GID4: variants seen among roughly 807,000 people sequenced by gnomAD.
GID4 encodes glucose-induced degradation protein 4 homolog.
GID4 carries 7 observed loss-of-function variants against 32.4 expected under a neutral mutation model. That is an observed-to-expected ratio of 0.22 (90% confidence interval 0.12 to 0.41). GID4 has a LOEUF of 0.41. GID4 is among the 10% of genes least tolerant of loss of function. The pLI, the probability that GID4 is intolerant of heterozygous loss-of-function variation, is 1.00. For missense variants in GID4, 309 were observed against 400.0 expected, an observed-to-expected ratio of 0.77 and a Z score of 1.94; for synonymous variants, 166 against 170.0, an observed-to-expected ratio of 0.98 and a Z score of 0.18.
intron 4 of GID4, among the ~76,000 whole-genome samples, chr17:18,059,666 C>G (rs2142151105): frequency 6.6e-6 from 1 of 152,308 alleles, no homozygotes; most frequent in East Asian, 1.9e-4. Flanking sequence ...TGAGAACATA[C>G]CAACCCCTAG....
chr17:18,068,035 A>G lies in GID4; in HGVS notation c.*2792A>G, dbSNP rs1264929510. On this transcript the variant is annotated 3_prime_UTR_variant, in exon 6 of 6. Transcript: ENST00000268719. ...TGGTTATGTGGAAATCACAAACTCCAGAGGAGCAAAGGGGTTTTTCAATGT... is the reference window on the plus strand; with the variant it reads ...TGGTTATGTGGAAATCACAAACTCCGGAGGAGCAAAGGGGTTTTTCAATGT... 6.5e-6 allele frequency: 1 copy of G among 152,678 alleles called. No individual in the cohort carries two copies. The highest frequency in any genetic ancestry group is 1.5e-5 in the Non-Finnish European group (1 of 68,052). The allele number at this position is 152,678 out of a possible 1,614,324, so 9.5% of individuals were successfully genotyped here.
chr17:18,059,288 C>A (rs2044998179), intron 4 of GID4, among the ~76,000 whole-genome samples: 1 of 152,154 alleles, frequency 6.6e-6, no homozygotes, highest in Non-Finnish European at 1.5e-5. Context: ...TCTTGTTGAA[C>A]CCCCAAGTTG....
At chr17:18,054,686 C>T (rs2044947694) in intron 3 of GID4, among the ~76,000 whole-genome samples, 1 of 152,162 alleles carries the variant, frequency 6.6e-6, no homozygotes, top group Admixed American at 6.6e-5. Flanking sequence ...GGCAGAGCCA[C>T]ATCATTTCTT....
intron 1 of GID4, among the ~76,000 whole-genome samples, chr17:18,041,887 A>G (rs1278016218): frequency 6.6e-6 from 1 of 152,250 alleles, no homozygotes; most frequent in Non-Finnish European, 1.5e-5. Context: ...GATAGGTCTC[A>G]GGCAGCCCAG....
chr17:18,063,876 A>G (rs995759121), intron 5 of GID4, among the ~76,000 whole-genome samples: 26 of 152,092 alleles, frequency 1.7e-4, no homozygotes, highest in African/African-American at 5.5e-4. Context: ...CCGAGTAGCT[A>G]GGATTACAGG....
rs2044759502 is a variant in GID4 at position 18,039,441 on chromosome 17, G to A, written c.-24G>A. 2 of 1,372,930 alleles carry A rather than the reference G, an allele frequency of 1.5e-6. No individual in the cohort carries two copies. The highest frequency in any genetic ancestry group is 2.7e-5 in the East Asian group (1 of 37,498). 85.0% of individuals were successfully genotyped at this position (1,372,930 alleles called of 1,614,324 possible). ...GTCTGTGTGTGTTTGTGTGTTGTGT[G>A]TCTGTGAGTGTCTGTGTGTGTGTAT... On this transcript the variant is annotated 5_prime_UTR_variant, in exon 1 of 6. Transcript: ENST00000268719. The surrounding 1 kb of genome is among the most constrained non-coding windows in gnomAD (Gnocchi z 5.3).
chr17:18,062,082 T>G, intron 5 of GID4, 107 bp downstream of exon 5: 1 of 1,086,998 alleles, frequency 9.2e-7, no homozygotes, highest in African/African-American at 1.6e-5. Context: ...TCTGTATAGA[T>G]TCTGTGCTTT....
rs1191839350 is a variant in GID4 at position 18,066,637 on chromosome 17, A to G, written c.*1394A>G. 6.6e-6 allele frequency: 1 copy of G among 152,144 alleles called. No homozygotes were observed. The highest frequency in any genetic ancestry group is 2.1e-4 in the South Asian group (1 of 4,826). The allele number at this position is 152,144 out of a possible 1,614,324, so 9.4% of individuals were successfully genotyped here. On this transcript the variant is annotated 3_prime_UTR_variant, in exon 6 of 6. Transcript: ENST00000268719. The stretch of plus-strand genomic sequence containing the variant: ...CAAGAGGAAAAGCTTTAAAAACAAG[A>G]TTGCATCATAACCCCCAGGAGCAAA...
At chr17:18,053,411 G>A (rs1262395568) in intron 2 of GID4, among the ~76,000 whole-genome samples, 2 of 151,572 alleles carry the variant, frequency 1.3e-5, no homozygotes, top group Admixed American at 6.6e-5. Flanking sequence ...TCAGGAGTTC[G>A]AGACCAGCCT....
chr17:18,041,065 CCTGA>C (rs988864700), intron 1 of GID4, among the ~76,000 whole-genome samples: 6 of 152,204 alleles, frequency 3.9e-5, no homozygotes, highest in African/African-American at 7.2e-5. Flanking sequence ...CCTACCCCTG[CCTGA>C]CTAAGGACCC....
At chr17:18,043,680 CT>C (rs2145548531) in intron 1 of GID4, among the ~76,000 whole-genome samples, 1 of 152,324 alleles carries the variant, frequency 6.6e-6, no homozygotes, top group African/African-American at 2.4e-5. Flanking sequence ...CTGACATCAT[CT>C]GGTTGACTAA....
intron 1 of GID4, among the ~76,000 whole-genome samples, chr17:18,043,154 C>T (rs1203611454): frequency 6.6e-6 from 1 of 152,160 alleles, no homozygotes; most frequent in Non-Finnish European, 1.5e-5. Flanking sequence ...TTGCTAAACA[C>T]GTGCCCTGTT....
intron 1 of GID4, among the ~76,000 whole-genome samples, chr17:18,040,286 C>T (rs1233356587): frequency 1.3e-5 from 2 of 152,192 alleles, no homozygotes; most frequent in Non-Finnish European, 2.9e-5. Context: ...GAAGAACTCT[C>T]CATTGGTTTC....
At chr17:18,050,613 A>C (rs2044900678) in intron 2 of GID4, among the ~76,000 whole-genome samples, 1 of 152,236 alleles carries the variant, frequency 6.6e-6, no homozygotes, top group Non-Finnish European at 1.5e-5. Context: ...CAAAAACAAA[A>C]GTGCCAGTTT....
chr17:18,059,594 G>C (rs1194666953), intron 4 of GID4, among the ~76,000 whole-genome samples: 1 of 152,150 alleles, frequency 6.6e-6, no homozygotes, highest in Non-Finnish European at 1.5e-5. Context: ...TCCCTGCTTT[G>C]ATAACGTGAT....
intron 1 of GID4, among the ~76,000 whole-genome samples, chr17:18,044,533 C>T (rs1178884422): frequency 6.6e-6 from 1 of 152,146 alleles, no homozygotes; most frequent in East Asian, 1.9e-4. Context: ...ACAGAGTGAA[C>T]ATTCACAATA....
intron 2 of GID4, among the ~76,000 whole-genome samples, chr17:18,051,119 C>G (rs1241173055): frequency 1.3e-5 from 2 of 152,228 alleles, no homozygotes; most frequent in East Asian, 1.9e-4. Flanking sequence ...ATTAAGAAAA[C>G]TAGTGATTTA....
intron 4 of GID4, among the ~76,000 whole-genome samples, chr17:18,060,421 A>G (rs1473757815): frequency 2.6e-5 from 4 of 151,738 alleles, no homozygotes; most frequent in South Asian, 2.1e-4. Context: ...AAAAAAAAAA[A>G]AAGAAGTGGG....
chr17:18,042,440 G>A (rs967971917), intron 1 of GID4, among the ~76,000 whole-genome samples: 2 of 152,266 alleles, frequency 1.3e-5, no homozygotes, highest in African/African-American at 4.8e-5. Context: ...TTAGCATAAT[G>A]TCCTCAAGGT....
Sources: allele counts gnomAD v4.1 joint callset (sites outside exome capture counted in the v4.1 genomes callset), GRCh38; gene constraint gnomAD v4.1.1; non-coding constraint Gnocchi (gnomAD v3.1); transcripts MANE v1.5; gene names NCBI Gene and HGNC (gene_info 2026-07-23, HGNC 2026-07-21).